The following RIN2 variants were observed in gnomAD, a reference collection of about 807,000 sequenced individuals.
The protein encoded by RIN2 is RAB5 interacting protein 2.
In RIN2, 36 loss-of-function variants were observed where a neutral mutation model predicts 78.0. That is an observed-to-expected ratio of 0.46 (90% CI 0.35 to 0.61). The LOEUF (loss-of-function observed/expected upper bound fraction) is 0.61. RIN2 is among the 20% of genes least tolerant of loss of function. The pLI is 0.00. For missense variants in RIN2, 1,087 were observed against 1,159.7 expected (o/e 0.94, Z 0.91); for synonymous variants, 466 against 466.8 (o/e 1.00, Z 0.02).
chr20:19,948,153 G>T (rs958595410), intron 4 of RIN2, among the ~76,000 whole-genome samples: 1 of 152,178 alleles, frequency 6.6e-6, no homozygotes, highest in African/African-American at 2.4e-5. Flanking sequence ...AGGCAGATGT[G>T]ATACTGACAG....
At chr20:19,853,443 T>C (rs1468610352) in intron 2 of RIN2, among the ~76,000 whole-genome samples, 4 of 152,294 alleles carry the variant, frequency 2.6e-5, no homozygotes, top group East Asian at 1.9e-4. Flanking sequence ...TTCTAGATCC[T>C]TGAGGAATCA....
rs752653521 is a variant in RIN2, at chr20:19,990,358, C to A, written c.2068+47C>A. 2.9e-5 allele frequency: 45 copies of A among 1,547,770 alleles called. No homozygotes were observed. In the South Asian group the frequency reaches 4.0e-4, roughly 14 times the overall value. On this transcript the variant is annotated intron_variant, in intron 10 of 12. Coordinates refer to ENST00000255006, the MANE Select transcript of RIN2 (RefSeq NM_018993.4). ...GCTTCGTGCCGCTTCCCTTCCGGGC[C>A]GGGGACAGGCCTCTCTCCTGTCAGG... is the stretch of plus-strand genomic sequence containing the variant.
chr20:19,960,923 T>C (rs1221553914), intron 6 of RIN2, 112 bp downstream of exon 6: 1 of 649,636 alleles, frequency 1.5e-6, no homozygotes, highest in Non-Finnish European at 2.7e-6. Context: ...GCCTGAGTCT[T>C]GGCACTGAAT....
intron 3 of RIN2, among the ~76,000 whole-genome samples, chr20:19,890,672 G>T (rs2038406640): frequency 1.8e-5 from 1 of 55,524 alleles, no homozygotes; most frequent in African/African-American, 1.1e-4. Context: ...GTCAACTGTT[G>T]ACTCTACAAA....
chr20:19,860,717 GGT>G (rs2037308003), intron 2 of RIN2, among the ~76,000 whole-genome samples: 1 of 152,136 alleles, frequency 6.6e-6, no homozygotes, highest in Admixed American at 6.5e-5. Flanking sequence ...GAGTCTGGAT[GGT>G]GTGCCCCTCT....
intron 2 of RIN2, among the ~76,000 whole-genome samples, chr20:19,869,759 G>A (rs2037625834): frequency 6.6e-6 from 1 of 151,046 alleles, no homozygotes; most frequent in African/African-American, 2.4e-5. Context: ...CAAGTAGCTG[G>A]GAATACAGGT....
At chr20:19,812,368 T>C (rs73293331) in intron 2 of RIN2, among the ~76,000 whole-genome samples, 2,988 of 152,318 alleles carry the variant, frequency 0.02, 92 homozygotes, top group African/African-American at 0.066. Flanking sequence ...TGAGTCCTCA[T>C]TGACAGTTGG....
intron 4 of RIN2, among the ~76,000 whole-genome samples, chr20:19,950,084 G>A (rs936316382): frequency 2.0e-5 from 3 of 152,164 alleles, no homozygotes; most frequent in African/African-American, 7.2e-5. Context: ...ACGAGAGCAG[G>A]ACAGGTGCTG....
chr20:19,888,754 C>T (rs917693775), intron 2 of RIN2, among the ~76,000 whole-genome samples: 1 of 152,200 alleles, frequency 6.6e-6, no homozygotes, highest in Non-Finnish European at 1.5e-5. Context: ...CCCCTCAATG[C>T]GTGAAGGCCT....
At chr20:19,952,718 G>A (rs911052758) in intron 4 of RIN2, among the ~76,000 whole-genome samples, 11 of 152,288 alleles carry the variant, frequency 7.2e-5, no homozygotes, top group African/African-American at 2.4e-4. Context: ...TGAGCATCAC[G>A]ATTGTCATGT....
chr20:19,983,927 C>T (rs2042542935), intron 9 of RIN2, among the ~76,000 whole-genome samples: 1 of 151,918 alleles, frequency 6.6e-6, no homozygotes, highest in Non-Finnish European at 1.5e-5. Flanking sequence ...ATGTGTGCAA[C>T]GTGCAGGTTT....
intron 1 of RIN2, among the ~76,000 whole-genome samples, chr20:19,775,362 T>A (rs1415150254): frequency 1.3e-5 from 2 of 152,188 alleles, no homozygotes; most frequent in Admixed American, 6.5e-5. Flanking sequence ...CTAAATTGCG[T>A]ATCTTCCCTG....
intron 1 of RIN2, among the ~76,000 whole-genome samples, chr20:19,787,360 T>C (rs1017250181): frequency 2.0e-5 from 3 of 146,742 alleles, no homozygotes; most frequent in African/African-American, 7.6e-5. Context: ...GAGGCAGAGG[T>C]TGCAGTGAGC....
intron 3 of RIN2, among the ~76,000 whole-genome samples, chr20:19,928,980 C>T (rs1264088470): frequency 6.6e-6 from 1 of 152,188 alleles, no homozygotes; most frequent in Admixed American, 6.5e-5. Flanking sequence ...GTGGCTATCC[C>T]TTGGGTTGGG....
chr20:19,923,166 G>A (rs930729960), intron 3 of RIN2, among the ~76,000 whole-genome samples: 3 of 152,046 alleles, frequency 2.0e-5, no homozygotes, highest in African/African-American at 4.8e-5. Context: ...GCCTGTAATC[G>A]CAGCACTTTG....
rs768818382 is a variant in RIN2, at chr20:19,960,767, T to A, written c.419T>A (p.Phe140Tyr). 2.5e-6 allele frequency: 4 copies of A among 1,604,276 alleles called. No individual in the cohort carries two copies. The highest frequency in any genetic ancestry group is 3.4e-6 in the Non-Finnish European group (4 of 1,175,598). ...KVLSLRLPCE[F>Y]GAPLKEFAIK... ...CTCTCCCTCCGCCTGCCCTGTGAAT[T>A]TGGGGCCCCACTCAAGGAATTTGCC... The change falls in exon 6 of 13, where the codon TTT becomes TAT. Residue 140 changes from phenylalanine (F) to tyrosine (Y), a missense_variant. Transcript: ENST00000255006.
At chr20:19,879,960 A>G (rs985181188) in intron 2 of RIN2, among the ~76,000 whole-genome samples, 51 of 152,208 alleles carry the variant, frequency 3.4e-4, no homozygotes, top group African/African-American at 1.2e-3. Flanking sequence ...AAAAATATGT[A>G]TTTTTTTCCA....
chr20:19,812,917 T>C (rs1199688744), intron 2 of RIN2, among the ~76,000 whole-genome samples: 1 of 152,258 alleles, frequency 6.6e-6, no homozygotes, highest in African/African-American at 2.4e-5. Context: ...CTTTGGTTAC[T>C]GCAGAAGTTA....
chr20:19,854,627 G>A (rs950303916), intron 2 of RIN2, among the ~76,000 whole-genome samples: 17 of 152,054 alleles, frequency 1.1e-4, no homozygotes, highest in Non-Finnish European at 1.6e-4. Flanking sequence ...TAGGTATTTT[G>A]TTCTCTTTGA....
Sources: allele counts gnomAD v4.1 joint callset (sites outside exome capture counted in the v4.1 genomes callset), GRCh38; gene constraint gnomAD v4.1.1; transcripts MANE v1.5; gene names NCBI Gene and HGNC (gene_info 2026-07-23, HGNC 2026-07-21).